The following DOCK5 variants were observed in gnomAD, a reference collection of about 807,000 sequenced individuals.
DOCK5 encodes the protein dedicator of cytokinesis protein 5.
In DOCK5, 142 loss-of-function variants were observed where a neutral mutation model predicts 251.8. The ratio of observed to expected loss-of-function variants is 0.56; its 90% CI spans 0.49 to 0.65. The LOEUF (loss-of-function observed/expected upper bound fraction) is 0.65. Ranked by LOEUF, DOCK5 falls within the 30% of genes least tolerant of loss-of-function variation. The pLI is 0.00. For synonymous variants in DOCK5, 842 were observed against 835.5 expected (o/e 1.01, Z -0.13); for missense variants, 2,111 against 2,312.3 (o/e 0.91, Z 1.79).
chr8:25,396,073 ACT>A (rs930791695), intron 45 of DOCK5, among the ~76,000 whole-genome samples: 8 of 152,022 alleles, frequency 5.3e-5, no homozygotes, highest in African/African-American at 1.9e-4. Flanking sequence ...GCAGAGCCAC[ACT>A]CTCTTTAGAA....
chr8:25,294,408 A>G (rs1265141113), intron 6 of DOCK5, among the ~76,000 whole-genome samples: 1 of 152,204 alleles, frequency 6.6e-6, no homozygotes, highest in Non-Finnish European at 1.5e-5. Flanking sequence ...TTGCAGTGTT[A>G]TCCCTGAGCG....
At chr8:25,379,771 G>A (rs1166632397) in intron 38 of DOCK5, among the ~76,000 whole-genome samples, 2 of 151,716 alleles carry the variant, frequency 1.3e-5, no homozygotes, top group East Asian at 1.9e-4. Context: ...CCCTCCATTC[G>A]GGGTCCCTGA....
intron 1 of DOCK5, among the ~76,000 whole-genome samples, chr8:25,241,720 C>T (rs1022600131): frequency 3.3e-5 from 5 of 152,164 alleles, no homozygotes; most frequent in Admixed American, 3.3e-4. Flanking sequence ...TATTGTGGCA[C>T]TATTCACAAT....
rs886873572 is a variant in DOCK5, at chr8:25,368,047, C to T, written c.3225-145C>T. 35 of 589,218 alleles carry T rather than the reference C, an allele frequency of 5.9e-5. 1 individual carries two copies. The highest frequency in any genetic ancestry group is 1.7e-4 in the African/African-American group (9 of 52,380). 36.5% of individuals were successfully genotyped at this position (589,218 alleles called of 1,614,324 possible). On this transcript the variant is annotated intron_variant, in intron 31 of 51. Transcript: ENST00000276440. ...GTGCGCCTCATTCCTTTTGGGGGCT[C>T]GTTTAGGTATGAACCTCATCTCTTA... is the stretch of plus-strand genomic sequence containing the variant.
At chr8:25,339,269 T>C (rs527263086) in intron 22 of DOCK5, among the ~76,000 whole-genome samples, 48 of 151,834 alleles carry the variant, frequency 3.2e-4, no homozygotes, top group Non-Finnish European at 6.0e-4. Context: ...CAAGAAAAAA[T>C]TGTAAATTGC....
intron 1 of DOCK5, among the ~76,000 whole-genome samples, chr8:25,229,871 G>A (rs1043934687): frequency 1.3e-5 from 2 of 151,950 alleles, no homozygotes; most frequent in Non-Finnish European, 2.9e-5. Flanking sequence ...TTAATACAGG[G>A]TAAAATTTAT....
At chr8:25,246,357 T>G (rs1803108241) in intron 2 of DOCK5, among the ~76,000 whole-genome samples, 1 of 152,196 alleles carries the variant, frequency 6.6e-6, no homozygotes, top group Non-Finnish European at 1.5e-5. Flanking sequence ...CACTGTGATC[T>G]CCGTCTCCCG....
Position 25,340,880 on chromosome 8 carries a change from T to A in DOCK5, c.2331T>A (p.Phe777Leu). Residue 777 changes from phenylalanine to leucine, a missense_variant, in exon 23 of 52, where the codon TTT (phenylalanine) becomes TTA (leucine). Phe to Leu is a conservative substitution (Grantham distance 22, BLOSUM62 0). Around this residue, in one of 3 missense-constraint regions of DOCK5, gnomAD observed 1,717 missense variants for 1,892.4 expected, o/e 0.91. Coordinates refer to ENST00000276440, the MANE Select transcript of DOCK5 (RefSeq NM_024940.8). ...CTTTTGTCTTTTTCCTATTAAGATT[T>A]TATGGGCAGAGCAAAGATGGAGATG... is the stretch of plus-strand genomic sequence containing the variant. ...IIQSRVLYLR[F>L]YGQSKDGDEF... 2 of 1,613,084 alleles carry A rather than the reference T, an allele frequency of 1.2e-6. No individual in the cohort carries two copies. The highest frequency in any genetic ancestry group is 1.7e-6 in the Non-Finnish European group (2 of 1,179,496).
intron 5 of DOCK5, 58 bp from the exon 6 acceptor site, chr8:25,291,966 C>T: frequency 1.4e-6 from 2 of 1,452,436 alleles, no homozygotes; most frequent in Non-Finnish European, 1.8e-6. Context: ...AGGATGTTCC[C>T]ATCCTCTGTC....
chr8:25,377,161 A>T, intron 37 of DOCK5, 144 bp from the exon 38 acceptor site: 6 of 1,105,028 alleles, frequency 5.4e-6, no homozygotes, highest in Non-Finnish European at 7.4e-6. Flanking sequence ...TGGCATGTGT[A>T]TATGTGTGTA....
intron 1 of DOCK5, among the ~76,000 whole-genome samples, chr8:25,231,906 T>C (rs1037856107): frequency 1.3e-5 from 2 of 152,184 alleles, no homozygotes; most frequent in Non-Finnish European, 2.9e-5. Flanking sequence ...CTATATCTAT[T>C]AAGATGATCA....
At chr8:25,366,753 T>G in intron 30 of DOCK5, 117 bp from the exon 31 acceptor site, 1 of 681,214 alleles carries the variant, frequency 1.5e-6, no homozygotes. Flanking sequence ...GTAGATTGTA[T>G]TTTGTTCTTT....
intron 37 of DOCK5, chr8:25,376,090 CTG>C (rs1261025683): frequency 2.1e-5 from 20 of 939,270 alleles, no homozygotes; most frequent in African/African-American, 1.6e-4. Flanking sequence ...TAGAGCAAGA[CTG>C]TGTCTCAAAA....
intron 5 of DOCK5, among the ~76,000 whole-genome samples, chr8:25,286,498 C>T (rs1051610011): frequency 1.3e-5 from 2 of 152,088 alleles, no homozygotes; most frequent in Admixed American, 6.5e-5. Context: ...AGATAGAAGC[C>T]AAGTACCCAT....
chr8:25,281,889 G>GAAAAAAAAAAAAAAAAAAA, intron 5 of DOCK5, among the ~76,000 whole-genome samples: 1 of 127,134 alleles, frequency 7.9e-6, no homozygotes, highest in Non-Finnish European at 1.6e-5. Context: ...AAAAAAAAAA[G>GAAAAAAAAAAAAAAAAAAA]AAAAAAAAAA....
intron 8 of DOCK5, 21 bp from the exon 9 acceptor site, chr8:25,300,554 CA>C (rs202159014): frequency 3.4e-6 from 5 of 1,489,996 alleles, no homozygotes; most frequent in South Asian, 2.3e-5. Flanking sequence ...TCATTAAGAG[CA>C]ATTTTTTTTT....
chr8:25,239,290 G>A (rs1052042876), intron 1 of DOCK5, among the ~76,000 whole-genome samples: 1 of 151,688 alleles, frequency 6.6e-6, no homozygotes, highest in Admixed American at 6.6e-5. Flanking sequence ...TAGGTTTTAA[G>A]CAAACCGGTC....
intron 1 of DOCK5, among the ~76,000 whole-genome samples, chr8:25,237,113 T>C (rs1802821464): frequency 6.6e-6 from 1 of 152,178 alleles, no homozygotes; most frequent in African/African-American, 2.4e-5. Context: ...ATGCCTGTAA[T>C]CTGAGCACTT....
intron 1 of DOCK5, among the ~76,000 whole-genome samples, chr8:25,230,236 T>G (rs1314488114): frequency 6.6e-6 from 1 of 152,188 alleles, no homozygotes; most frequent in Admixed American, 6.5e-5. Flanking sequence ...AGTTTTGCAA[T>G]GTCATCTCTG....
Sources: allele counts gnomAD v4.1 joint callset (sites outside exome capture counted in the v4.1 genomes callset), GRCh38; gene constraint gnomAD v4.1.1; regional missense constraint gnomAD v4.1.1; transcripts MANE v1.5; gene names NCBI Gene and HGNC (gene_info 2026-07-23, HGNC 2026-07-21).